HERC4: variants seen among roughly 807,000 people sequenced by gnomAD.
HERC4 encodes probable E3 ubiquitin-protein ligase HERC4.
HERC4 carries 28 observed loss-of-function variants against 124.3 expected under a neutral mutation model. That is an observed-to-expected ratio of 0.23 (90% CI 0.17 to 0.31). HERC4 has a LOEUF of 0.31. Among genes scored for constraint, HERC4 ranks in the 10% least tolerant of loss-of-function variants. HERC4 has a pLI of 1.00. For synonymous variants in HERC4, 407 were observed against 421.5 expected (o/e 0.97, Z 0.42); for missense variants, 713 against 1,229.3 (o/e 0.58, Z 6.28).
At chr10:68,052,004 A>C (rs1347486960) in intron 3 of HERC4, among the ~76,000 whole-genome samples, 2 of 152,090 alleles carry the variant, frequency 1.3e-5, no homozygotes, top group Non-Finnish European at 2.9e-5. Flanking sequence ...GTTCATATAA[A>C]AAGGGTGAAA....
intron 21 of HERC4, among the ~76,000 whole-genome samples, chr10:67,937,714 T>C (rs2032489735): frequency 6.6e-6 from 1 of 150,684 alleles, no homozygotes; most frequent in Non-Finnish European, 1.5e-5. Flanking sequence ...GGAGTCTCAC[T>C]GTGTCACCCA....
intron 8 of HERC4, among the ~76,000 whole-genome samples, chr10:68,017,118 G>A (rs1180085126): frequency 1.3e-5 from 2 of 152,152 alleles, no homozygotes; most frequent in Non-Finnish European, 2.9e-5. Flanking sequence ...TTCAGTGAAT[G>A]TGATGCAAGC....
At chr10:67,980,188 C>T (rs145430857) in intron 15 of HERC4, among the ~76,000 whole-genome samples, 83 of 152,230 alleles carry the variant, frequency 5.5e-4, no homozygotes, top group African/African-American at 1.7e-3. Context: ...CTCGGCTCAC[C>T]ACAACCTTCG....
intron 15 of HERC4, among the ~76,000 whole-genome samples, chr10:67,981,418 C>G (rs771334891): frequency 6.6e-6 from 1 of 152,162 alleles, no homozygotes; most frequent in Non-Finnish European, 1.5e-5. Context: ...GAGAAATAGA[C>G]CTCAGTACAG....
At chr10:68,045,155 T>C (rs2133511904) in intron 3 of HERC4, among the ~76,000 whole-genome samples, 1 of 152,264 alleles carries the variant, frequency 6.6e-6, no homozygotes, top group South Asian at 2.1e-4. Flanking sequence ...ACCCCATCTC[T>C]ACTAAAAGTA....
chr10:67,996,168 G>C (rs533533257), intron 9 of HERC4: 1 of 448,446 alleles, frequency 2.2e-6, no homozygotes, highest in Non-Finnish European at 4.5e-6. Context: ...TTGGTTAAGC[G>C]TGGTGGCGCA....
At chr10:68,056,014 C>G (rs1221433085) in intron 3 of HERC4, among the ~76,000 whole-genome samples, 1 of 152,102 alleles carries the variant, frequency 6.6e-6, no homozygotes, top group Non-Finnish European at 1.5e-5. Context: ...TCCCAAAGTG[C>G]TGGGATTACA....
At chr10:68,013,961 T>G in intron 9 of HERC4, 65 bp downstream of exon 9, 2 of 1,340,036 alleles carry the variant, frequency 1.5e-6, no homozygotes, top group Non-Finnish European at 2.0e-6. Context: ...TCTTCATGAT[T>G]TAAGAGCAAC....
At chr10:67,990,123 C>A in intron 14 of HERC4, 88 bp downstream of exon 14, 1 of 1,047,070 alleles carries the variant, frequency 9.6e-7, no homozygotes, top group Non-Finnish European at 1.4e-6. Flanking sequence ...ATAAGCAGGG[C>A]AGCAGAACTG....
chr10:67,931,227 G>A (rs1454139942), intron 23 of HERC4, among the ~76,000 whole-genome samples: 1 of 151,896 alleles, frequency 6.6e-6, no homozygotes, highest in African/African-American at 2.4e-5. Flanking sequence ...CTCGTGATCC[G>A]CCCGCCTCGG....
At chr10:68,071,887 T>C (rs931570926) in intron 3 of HERC4, among the ~76,000 whole-genome samples, 1 of 152,188 alleles carries the variant, frequency 6.6e-6, no homozygotes, top group Admixed American at 6.5e-5. Context: ...ATTTGCAAGT[T>C]AGAAAAGTGA....
Position 67,975,358 on chromosome 10 carries a change from A to G in HERC4, c.1807-8556T>C, listed in dbSNP as rs372483470. ...AGGCTTAGCATTTAAGAAAGTAACC[A>G]AGGTCACGTAAGTAACAGAGCCAGA... On this transcript the variant is annotated intron_variant, in intron 15 of 24. Transcript: ENST00000373700. Among the ~76,000 whole-genome samples the G allele has an allele frequency of 1.5e-3, 222 of 152,298 alleles. 1 individual carries two copies. Among genetic ancestry groups the G allele is most frequent in the African/African-American group, 5.0e-3 (207 of 41,568 alleles).
At chr10:68,045,377 T>C (rs1296551878) in intron 3 of HERC4, among the ~76,000 whole-genome samples, 1 of 152,172 alleles carries the variant, frequency 6.6e-6, no homozygotes, top group Non-Finnish European at 1.5e-5. Context: ...AATTTCTGAA[T>C]GGAAAACAAA....
At chr10:67,932,535 A>G in intron 23 of HERC4, 62 bp downstream of exon 23, 1 of 1,426,804 alleles carries the variant, frequency 7.0e-7, no homozygotes, top group Non-Finnish European at 9.6e-7. Flanking sequence ...ATACATAAAA[A>G]GGCAAGATTT....
At position 68,051,445 on chromosome 10, in the gene HERC4, C is replaced by T. The variant is rs558893106; in HGVS notation, c.227-6882G>A. ...CTGCAAGCTCTGCCTCCCGGGTTCG[C>T]GCCATTCTCCTGCCTCAGCCTCCTG... On this transcript the variant is annotated intron_variant, in intron 3 of 24. Transcript: ENST00000373700. 4.0e-5 allele frequency among the ~76,000 whole-genome samples: 6 copies of T among 148,496 alleles called. No homozygotes were observed. The South Asian group carries it at 1.1e-3, about 26-fold the overall frequency.
At chr10:68,046,300 A>G (rs1408366473) in intron 3 of HERC4, among the ~76,000 whole-genome samples, 1 of 152,232 alleles carries the variant, frequency 6.6e-6, no homozygotes, top group African/African-American at 2.4e-5. Context: ...GCAGAAAATG[A>G]TAGGATGACA....
rs200480292 is a variant in HERC4 at position 68,007,702 on chromosome 10, CT to C, written c.1069+6323del. The stretch of plus-strand genomic sequence containing the variant: ...AGTGGACACTCCAAGCCCAGTAACA[CT>C]TTTTTTTTTTTTTAAGAGACAGAGT... On this transcript the variant is annotated intron_variant, in intron 9 of 24. Transcript: ENST00000373700. 722 of 144,834 alleles carry C rather than the reference CT, an allele frequency of 5.0e-3. 1 individual carries two copies. The highest frequency in any genetic ancestry group is 0.018 in the East Asian group (87 of 4,970). The allele number at this position is 144,834 out of a possible 1,614,324, so 9.0% of individuals were successfully genotyped here. A position where few individuals can be genotyped will look rare whatever the true frequency, so the allele number is the denominator to read the frequency against.
chr10:68,044,647 T>C, intron 3 of HERC4, 84 bp from the exon 4 acceptor site: 2 of 1,244,918 alleles, frequency 1.6e-6, no homozygotes, highest in Non-Finnish European at 1.1e-6. Context: ...GAACTTCCAA[T>C]AAGAACAAAA....
At chr10:67,993,461 T>C (rs1348202083) in intron 9 of HERC4, 1 of 151,598 alleles carries the variant, frequency 6.6e-6, no homozygotes, top group African/African-American at 2.4e-5. Flanking sequence ...AGCTGCAGTA[T>C]GCTATGACTG....
Sources: gnomAD v4.1 joint callset for allele counts (sites outside exome capture counted in the v4.1 genomes callset) on GRCh38, gnomAD v4.1.1 for gene constraint, MANE v1.5 for transcripts, NCBI Gene and HGNC (gene_info 2026-07-23, HGNC 2026-07-21) for gene names.